NRIP1: variants seen among roughly 807,000 people sequenced by gnomAD.
NRIP1 encodes the protein nuclear receptor-interacting protein 1.
Under a neutral mutation model 75.0 loss-of-function variants are expected in NRIP1, and 28 were observed. The ratio of observed to expected loss-of-function variants is 0.37; its 90% CI spans 0.28 to 0.51. The LOEUF (loss-of-function observed/expected upper bound fraction) is 0.51. Among genes scored for constraint, NRIP1 ranks in the 20% least tolerant of loss-of-function variants. NRIP1 has a pLI of 0.92. For missense variants in NRIP1, 1,435 were observed against 1,343.7 expected (o/e 1.07, Z -1.06); for synonymous variants, 526 against 487.6 (o/e 1.08, Z -1.04).
intron 3 of NRIP1, among the ~76,000 whole-genome samples, chr21:14,995,023 T>C (rs906177382): frequency 6.6e-6 from 1 of 152,136 alleles, no homozygotes. Context: ...TAAGTAACAA[T>C]AAAAACCCAA....
chr21:14,988,497 A>ATG (rs1370123141), intron 3 of NRIP1, among the ~76,000 whole-genome samples: 1,867 of 141,868 alleles, frequency 0.013, 38 homozygotes, highest in African/African-American at 0.048. Flanking sequence ...TAGTATATAT[A>ATG]TATGTGTGTG....
At chr21:15,023,686 T>C (rs1002666944) in intron 2 of NRIP1, among the ~76,000 whole-genome samples, 3 of 152,156 alleles carry the variant, frequency 2.0e-5, no homozygotes, top group African/African-American at 7.2e-5. Context: ...ATGTAAAAGG[T>C]TTAATAAGTT....
At chr21:15,010,686 G>A (rs2088081046) in intron 3 of NRIP1, among the ~76,000 whole-genome samples, 1 of 152,170 alleles carries the variant, frequency 6.6e-6, no homozygotes, top group Non-Finnish European at 1.5e-5. Flanking sequence ...GATCAGACAA[G>A]TAACACAAGC....
At chr21:14,973,354 T>C (rs2086956737) in intron 3 of NRIP1, among the ~76,000 whole-genome samples, 1 of 152,178 alleles carries the variant, frequency 6.6e-6, no homozygotes, top group African/African-American at 2.4e-5. Context: ...AAACTTAGTT[T>C]ACAAACTAAG....
chr21:15,017,477 T>C (rs186559380), intron 2 of NRIP1, among the ~76,000 whole-genome samples: 23 of 152,336 alleles, frequency 1.5e-4, no homozygotes, highest in Admixed American at 1.4e-3. Context: ...ATGATAACTA[T>C]AGTTTAATGA....
chr21:15,019,470 CTTTTTTTTTTTTTTTTTTT>C (rs539278321), intron 2 of NRIP1, among the ~76,000 whole-genome samples: 105 of 38,700 alleles, frequency 2.7e-3, no homozygotes, highest in African/African-American at 6.6e-3. Flanking sequence ...AACTGCATTT[CTTTTTTTTTTTTTTTTTTT>C]TTTTTTTTTT....
chr21:14,988,202 G>C (rs1422396088), intron 3 of NRIP1: 1 of 152,068 alleles, frequency 6.6e-6, no homozygotes, highest in African/African-American at 2.4e-5. Context: ...GCTGTAAAAG[G>C]AATAATAATA....
chr21:15,061,471 G>A (rs954391353), intron 1 of NRIP1, among the ~76,000 whole-genome samples: 4 of 152,064 alleles, frequency 2.6e-5, no homozygotes, highest in Admixed American at 6.5e-5. Flanking sequence ...TTAGAAAAGG[G>A]GAAGAGAGCA....
intron 3 of NRIP1, among the ~76,000 whole-genome samples, chr21:14,983,234 T>C (rs2087296017): frequency 6.6e-6 from 1 of 151,494 alleles, no homozygotes; most frequent in African/African-American, 2.4e-5. Context: ...ACAATTATTG[T>C]AGGAAATTAA....
intron 3 of NRIP1, among the ~76,000 whole-genome samples, chr21:14,978,001 C>G (rs2026846): frequency 0.29 from 44,147 of 152,076 alleles, 7,566 homozygotes; most frequent in African/African-American, 0.47. Context: ...AACAGCTGCC[C>G]AGGCTGCTCT....
intron 3 of NRIP1, among the ~76,000 whole-genome samples, chr21:15,000,344 G>A (rs781131963): frequency 2.0e-5 from 3 of 152,154 alleles, no homozygotes; most frequent in Non-Finnish European, 4.4e-5. Context: ...CCTTATTCAT[G>A]TGTTCAACAA....
chr21:15,063,849 A>G (rs1451811609), intron 1 of NRIP1, among the ~76,000 whole-genome samples: 1 of 152,210 alleles, frequency 6.6e-6, no homozygotes, highest in Admixed American at 6.5e-5. Context: ...TCAGCAGCCA[A>G]TTATTGACGT....
At position 14,967,817 on chromosome 21, in the gene NRIP1, C is replaced by T. The variant is rs760922189; in HGVS notation, c.376G>A (p.Gly126Ser). 6.2e-7 allele frequency: 1 copy of T among 1,613,972 alleles called. No homozygotes were observed. The highest frequency in any genetic ancestry group is 8.5e-7 in the Non-Finnish European group (1 of 1,179,972). Residue 126 changes from glycine to serine, a missense_variant, in exon 4 of 4, where the codon GGC becomes AGC. Coordinates refer to ENST00000318948, the MANE Select transcript of NRIP1 (RefSeq NM_003489.4). ...GCCAGTAATGTGCTATCCTGTTTGC[C>T]TTTAGGCACACTGTCAACCATGCCA... ...LAGMVDSVPK[G>S]KQDSTLLASL...
chr21:15,028,517 T>C (rs2088573787), intron 2 of NRIP1, among the ~76,000 whole-genome samples: 1 of 152,214 alleles, frequency 6.6e-6, no homozygotes, highest in South Asian at 2.1e-4. Context: ...TTGTATTTCT[T>C]TTTGTATGTA....
At chr21:14,994,579 T>C (rs1369627108) in intron 3 of NRIP1, among the ~76,000 whole-genome samples, 1 of 152,208 alleles carries the variant, frequency 6.6e-6, no homozygotes, top group African/African-American at 2.4e-5. Flanking sequence ...TTTTTAAAAA[T>C]AGAAATTTTC....
At position 14,966,645 on chromosome 21, in the gene NRIP1, G is replaced by A; in HGVS notation, c.1548C>T (p.Asn516=). The A allele has an allele frequency of 1.2e-6, 2 of 1,614,046 alleles. No individual in the cohort carries two copies. Among genetic ancestry groups the A allele is most frequent in the Non-Finnish European group, 1.7e-6 (2 of 1,179,962 alleles). ...CATTGTGTACTCCCTGAGGGCTGGTGTTTTTTTCTACATTTTCTTCATTCT... is the reference window on the plus strand; with the variant it reads ...CATTGTGTACTCCCTGAGGGCTGGTATTTTTTTCTACATTTTCTTCATTCT... ...GHKNEENVEK[N]TSPQGVHNDV... The change falls in exon 4 of 4, where the codon AAC becomes AAT. Residue 516 remains asparagine (N), a synonymous_variant. Transcript: ENST00000318948.
intron 3 of NRIP1, chr21:14,971,541 G>A (rs1255331889): frequency 6.6e-6 from 1 of 152,162 alleles, no homozygotes; most frequent in Non-Finnish European, 1.5e-5. Context: ...AAAGGGATGT[G>A]ATAGACAACA....
chr21:14,978,082 C>T (rs1351125402), intron 3 of NRIP1, among the ~76,000 whole-genome samples: 3 of 152,184 alleles, frequency 2.0e-5, no homozygotes, highest in Non-Finnish European at 4.4e-5. Context: ...GGTCCATTGG[C>T]TTTAACTTGC....
chr21:14,970,589 T>TTCTCAAC (rs2086875853), intron 3 of NRIP1, among the ~76,000 whole-genome samples: 1 of 145,898 alleles, frequency 6.9e-6, no homozygotes, highest in Admixed American at 7.2e-5. Context: ...ATACAATTAA[T>TTCTCAAC]TCTCAACTAG....
Sources: allele counts gnomAD v4.1 joint callset (sites outside exome capture counted in the v4.1 genomes callset), GRCh38; gene constraint gnomAD v4.1.1; transcripts MANE v1.5; gene names NCBI Gene and HGNC (gene_info 2026-07-23, HGNC 2026-07-21).